MAPK10: variants seen among roughly 807,000 people sequenced by gnomAD.
The protein encoded by MAPK10 is JNK3 alpha protein kinase.
In MAPK10, 25 loss-of-function variants were observed where a neutral mutation model predicts 59.3. That is an observed-to-expected ratio of 0.42 (90% confidence interval 0.31 to 0.59). MAPK10 has a LOEUF of 0.59. MAPK10 is among the 20% of genes least tolerant of loss of function. MAPK10 has a pLI of 0.15. For missense variants in MAPK10, 351 were observed against 568.9 expected, an observed-to-expected ratio of 0.62 and a Z score of 3.90; for synonymous variants, 190 against 200.5, an observed-to-expected ratio of 0.95 and a Z score of 0.44.
intron 11 of MAPK10, among the ~76,000 whole-genome samples, chr4:86,055,257 TCA>T (rs2044338295): frequency 7.6e-6 from 1 of 132,386 alleles, no homozygotes; most frequent in African/African-American, 3.1e-5. Flanking sequence ...TTGAAATTAT[TCA>T]CATTGTTAAT....
intron 1 of MAPK10, among the ~76,000 whole-genome samples, chr4:86,425,444 A>C (rs969191881): frequency 4.6e-5 from 7 of 151,562 alleles, no homozygotes; most frequent in African/African-American, 1.7e-4. Flanking sequence ...TTAAAAAAAA[A>C]CTTTAGGCTT....
chr4:86,513,630 A>C (rs1286905098), intron 1 of MAPK10, among the ~76,000 whole-genome samples: 1 of 152,138 alleles, frequency 6.6e-6, no homozygotes, highest in African/African-American at 2.4e-5. Flanking sequence ...ATTTCCCACA[A>C]TCCTACTACT....
chr4:86,570,948 C>T (rs1433248577), intron 1 of MAPK10, among the ~76,000 whole-genome samples: 2 of 151,966 alleles, frequency 1.3e-5, no homozygotes, highest in African/African-American at 4.8e-5. Context: ...GTTAATAACT[C>T]CTAACTTTAT....
intron 1 of MAPK10, among the ~76,000 whole-genome samples, chr4:86,569,407 T>C (rs1185181697): frequency 6.6e-6 from 1 of 152,132 alleles, no homozygotes; most frequent in Non-Finnish European, 1.5e-5. Flanking sequence ...CTCAAAGAAC[T>C]AAAAACAGAA....
At chr4:86,578,913 T>C (rs1167947361) in intron 1 of MAPK10, among the ~76,000 whole-genome samples, 2 of 152,156 alleles carry the variant, frequency 1.3e-5, no homozygotes, top group African/African-American at 2.4e-5. Context: ...TCATTACATA[T>C]ATTAAAACAT....
At chr4:86,251,538 G>A (rs1326560744) in intron 2 of MAPK10, among the ~76,000 whole-genome samples, 1 of 134,134 alleles carries the variant, frequency 7.5e-6, no homozygotes. Context: ...GTATTCCATG[G>A]TGTATATGTG....
At chr4:86,512,714 G>T (rs1239775006) in intron 1 of MAPK10, among the ~76,000 whole-genome samples, 2 of 152,050 alleles carry the variant, frequency 1.3e-5, no homozygotes, top group Non-Finnish European at 2.9e-5. Context: ...TTCTCCCATG[G>T]AATTACTAAA....
At chr4:86,464,933 A>C (rs1752067161) in intron 1 of MAPK10, among the ~76,000 whole-genome samples, 1 of 152,244 alleles carries the variant, frequency 6.6e-6, no homozygotes, top group Admixed American at 6.5e-5. Flanking sequence ...TTGCTAATGC[A>C]ATATCTAATG....
chr4:86,085,911 G>A (rs1044193664), intron 9 of MAPK10, among the ~76,000 whole-genome samples: 3 of 151,952 alleles, frequency 2.0e-5, no homozygotes, highest in Non-Finnish European at 2.9e-5. Flanking sequence ...TGAAATAAGC[G>A]AGGCACAGAA....
At chr4:86,032,651 G>C (rs1006118818) in intron 11 of MAPK10, 3 of 152,046 alleles carry the variant, frequency 2.0e-5, no homozygotes, top group Non-Finnish European at 4.4e-5. Flanking sequence ...CAGCACCCTC[G>C]GGCTAAAGTG....
At chr4:86,544,247 C>T (rs2149096514) in intron 1 of MAPK10, among the ~76,000 whole-genome samples, 1 of 152,216 alleles carries the variant, frequency 6.6e-6, no homozygotes, top group South Asian at 2.1e-4. Context: ...AAATAATTGT[C>T]TAATGTGAAG....
rs2064582479 is a variant in MAPK10 at position 86,145,079 on chromosome 4, A to G, written c.236+14219T>C. On this transcript the variant is annotated intron_variant, in intron 4 of 13. Coordinates refer to ENST00000641462, the MANE Select transcript of MAPK10 (RefSeq NM_138982.4). ...CTCCTTAAAATACAACGAAGCAGAA[A>G]AGTGGCAATTTTACAAAAATTACTC... is the stretch of plus-strand genomic sequence containing the variant. Among the ~76,000 whole-genome samples the G allele has an allele frequency of 2.0e-5, 3 of 152,304 alleles. No homozygotes were observed. The South Asian group carries it at 6.2e-4, about 32-fold the overall frequency.
chr4:86,183,062 T>C (rs2077264979), intron 3 of MAPK10, among the ~76,000 whole-genome samples: 1 of 152,310 alleles, frequency 6.6e-6, no homozygotes, highest in Middle Eastern at 3.4e-3. Context: ...GCTATGTTAA[T>C]TGATAATTGT....
At chr4:86,441,196 TATA>T (rs1398908830) in intron 1 of MAPK10, among the ~76,000 whole-genome samples, 1 of 152,206 alleles carries the variant, frequency 6.6e-6, no homozygotes, top group Non-Finnish European at 1.5e-5. Flanking sequence ...TTTGCATGTA[TATA>T]ATGTGTGTGT....
upstream of MAPK10, among the ~76,000 whole-genome samples, chr4:86,364,331 G>C (rs377591260): frequency 1.7e-4 from 26 of 152,018 alleles, no homozygotes; most frequent in African/African-American, 5.8e-4. Flanking sequence ...GTTTCACCAT[G>C]TTGCCCAGGC....
At chr4:86,423,760 G>GATATAGATAT (rs1746843837) in intron 1 of MAPK10, among the ~76,000 whole-genome samples, 1 of 117,120 alleles carries the variant, frequency 8.5e-6, no homozygotes, top group African/African-American at 3.5e-5. Context: ...TAATTAGTGG[G>GATATAGATAT]ATATATATAC....
rs552801392 is a variant in MAPK10, at chr4:86,042,487, A to C, written c.1111-11056T>G. Among the ~76,000 whole-genome samples, 5 of 152,312 alleles carry C rather than the reference A, an allele frequency of 3.3e-5. No individual in the cohort carries two copies. The East Asian group carries it at 9.6e-4, about 29-fold the overall frequency. On this transcript the variant is annotated intron_variant, in intron 11 of 13. Transcript: ENST00000641462. ...ACATGTATCCCAGAACTTAAAGTAA[A>C]ATTTTAAAAAAAAGTGTTAAGGGAT... is the stretch of plus-strand genomic sequence containing the variant.
Position 86,577,324 on chromosome 4 carries a change from T to G in MAPK10, c.-263+16586A>C, listed in dbSNP as rs1761976655. Among the ~76,000 whole-genome samples, 3 of 152,060 alleles carry G rather than the reference T, an allele frequency of 2.0e-5. No individual in the cohort carries two copies. In the South Asian group the frequency reaches 6.2e-4, roughly 32 times the overall value. ...AGACCTTGTCTCAAAAAAATTTTTT[T>G]TAATTAAAAAGAAAGATGTATGCCA... On this transcript the variant is annotated intron_variant, in intron 1 of 4. Transcript: ENST00000502302.
rs1755357641 is a variant in MAPK10 at position 86,501,824 on chromosome 4, G to C, written c.-263+92086C>G. ...TCCTTCACTCAAAAAATGCATAGTTGAATTTTTCCTCCAACTTCCAATTTG... is the reference window on the plus strand; with the variant it reads ...TCCTTCACTCAAAAAATGCATAGTTCAATTTTTCCTCCAACTTCCAATTTG... On this transcript the variant is annotated intron_variant, in intron 1 of 4. Coordinates refer to the MAPK10 transcript ENST00000502302. 2.0e-5 allele frequency among the ~76,000 whole-genome samples: 3 copies of C among 152,054 alleles called. No homozygotes were observed. In the South Asian group the frequency reaches 6.2e-4, roughly 32 times the overall value.
Sources: allele counts gnomAD v4.1 joint callset (sites outside exome capture counted in the v4.1 genomes callset), GRCh38; gene constraint gnomAD v4.1.1; transcripts MANE v1.5; gene names NCBI Gene and HGNC (gene_info 2026-07-23, HGNC 2026-07-21).